The following REV3L variants were observed in gnomAD, a reference collection of about 807,000 sequenced individuals.
REV3L encodes the protein REV3 like, DNA directed polymerase zeta catalytic subunit, also known as DNA polymerase zeta catalytic subunit.
Under a neutral mutation model 299.4 loss-of-function variants are expected in REV3L, and 69 were observed. The observed-to-expected ratio is 0.23, with a 90% CI of 0.19 to 0.28. The LOEUF (loss-of-function observed/expected upper bound fraction) is 0.28. Among genes scored for constraint, REV3L ranks in the 10% least tolerant of loss-of-function variants. The probability of loss-of-function intolerance (pLI) is 1.00; values close to 1 mark genes in which losing one functional copy is unlikely to be tolerated. For synonymous variants in REV3L, 1,238 were observed against 1,271.4 expected (o/e 0.97, Z 0.56); for missense variants, 3,128 against 3,693.8 (o/e 0.85, Z 3.97).
At chr6:111,315,151 A>T in intron 27 of REV3L, 116 bp downstream of exon 27, 1 of 844,604 alleles carries the variant, frequency 1.2e-6, no homozygotes, top group Non-Finnish European at 1.8e-6. Flanking sequence ...ACCCAAATTT[A>T]ACACTTTAAT....
At chr6:111,313,738 C>T (rs539546689) in intron 27 of REV3L, among the ~76,000 whole-genome samples, 235 of 152,270 alleles carry the variant, frequency 1.5e-3, no homozygotes, top group African/African-American at 5.2e-3. Context: ...AGTATAAACA[C>T]TTTAGCTTGG....
At chr6:111,455,295 A>C (rs1358288105) in intron 1 of REV3L, among the ~76,000 whole-genome samples, 1 of 152,138 alleles carries the variant, frequency 6.6e-6, no homozygotes, top group Non-Finnish European at 1.5e-5. Context: ...ATAAGGGATG[A>C]CACCACACCA....
chr6:111,436,450 T>TA (rs1037875575), intron 1 of REV3L, among the ~76,000 whole-genome samples: 2 of 151,970 alleles, frequency 1.3e-5, no homozygotes, highest in African/African-American at 4.8e-5. Flanking sequence ...TTCAGCCATA[T>TA]AAAAAAAATG....
chr6:111,380,104 TTTA>T lies in REV3L; in HGVS notation c.1329_1331del (p.Asn443del), dbSNP rs752936493. The T allele has an allele frequency of 6.2e-7, 1 of 1,613,974 alleles. No homozygotes were observed. Among genetic ancestry groups the T allele is most frequent in the Non-Finnish European group, 8.5e-7 (1 of 1,179,878 alleles). On this transcript the variant is annotated inframe_deletion, in exon 11 of 32. Coordinates refer to ENST00000368802, the MANE Select transcript of REV3L (RefSeq NM_001372078.1). ...CTTCATCATCACTATTTTGTGGATA[TTTA>T]TTATTTCCAAAGGAGCGACATGGTG...
intron 1 of REV3L, among the ~76,000 whole-genome samples, chr6:111,455,470 C>T (rs1790060014): frequency 6.6e-6 from 1 of 151,976 alleles, no homozygotes; most frequent in South Asian, 2.1e-4. Context: ...GGCAGGTGCT[C>T]GATCATGAAA....
chr6:111,458,525 AG>A (rs1790405245), intron 1 of REV3L, among the ~76,000 whole-genome samples: 1 of 152,134 alleles, frequency 6.6e-6, no homozygotes, highest in South Asian at 2.1e-4. Context: ...ATTCTATACC[AG>A]AAAACTCCGA....
At chr6:111,366,138 GAA>G (rs1194596879) in intron 14 of REV3L, among the ~76,000 whole-genome samples, 1 of 152,160 alleles carries the variant, frequency 6.6e-6, no homozygotes, top group African/African-American at 2.4e-5. Context: ...TTGAAATAAG[GAA>G]AACTGAAAGA....
chr6:111,385,665 T>G (rs1781274499), intron 9 of REV3L, among the ~76,000 whole-genome samples: 1 of 152,068 alleles, frequency 6.6e-6, no homozygotes, highest in African/African-American at 2.4e-5. Flanking sequence ...CATTTTTTTT[T>G]GAAGATTTTT....
In REV3L at chr6:111,315,658, A is replaced by G. The variant is rs549644643; in HGVS notation, c.8352-277T>C. Reference sequence around the variant, plus strand: ...CAAGAAAGTCCTGGATCATCCCTGGACATTTAAGGCTTTGTATGGTACACA... The same window carrying G: ...CAAGAAAGTCCTGGATCATCCCTGGGCATTTAAGGCTTTGTATGGTACACA... On this transcript the variant is annotated intron_variant, in intron 26 of 31. Transcript: ENST00000368802. 4.9e-5 allele frequency: 19 copies of G among 389,574 alleles called. No individual in the cohort carries two copies. In the East Asian group the frequency reaches 8.5e-4, roughly 18 times the overall value. 24.1% of individuals were successfully genotyped at this position (389,574 alleles called of 1,614,324 possible). A position where few individuals can be genotyped will look rare whatever the true frequency, so the allele number is the denominator to read the frequency against.
intron 28 of REV3L, chr6:111,313,035 GAA>G (rs1773147362): frequency 4.9e-6 from 1 of 202,454 alleles, no homozygotes; most frequent in Non-Finnish European, 9.8e-6. Context: ...GTTTTTATTA[GAA>G]ATAAAATTCT....
At chr6:111,348,060 C>T (rs1219694678) in intron 20 of REV3L, among the ~76,000 whole-genome samples, 6 of 152,194 alleles carry the variant, frequency 3.9e-5, no homozygotes, top group Non-Finnish European at 5.9e-5. Context: ...CCTTGGCCTC[C>T]CCAAGTGCTG....
intron 20 of REV3L, among the ~76,000 whole-genome samples, chr6:111,346,172 A>G (rs1045469515): frequency 2.6e-5 from 4 of 152,156 alleles, no homozygotes; most frequent in Admixed American, 6.5e-5. Flanking sequence ...CCCCTCAACC[A>G]GTGCACCAAA....
intron 9 of REV3L, among the ~76,000 whole-genome samples, chr6:111,384,036 A>T (rs1467789434): frequency 1.3e-5 from 2 of 152,332 alleles, no homozygotes; most frequent in East Asian, 3.9e-4. Flanking sequence ...GTGCTGAGAC[A>T]TTGGATATCT....
chr6:111,443,323 T>C (rs1449523974), intron 1 of REV3L, among the ~76,000 whole-genome samples: 1 of 152,216 alleles, frequency 6.6e-6, no homozygotes, highest in South Asian at 2.1e-4. Context: ...AATTTTTGTA[T>C]TTTTAGTAGA....
Position 111,311,155 on chromosome 6 carries a change from G to A in REV3L, c.8709C>T (p.Ser2903=). 6.2e-7 allele frequency: 1 copy of A among 1,614,048 alleles called. No individual in the cohort carries two copies. Among genetic ancestry groups the A allele is most frequent in the Non-Finnish European group, 8.5e-7 (1 of 1,179,934 alleles). ...CCTTGGCAAAGATAAAGTCTTGTAT[G>A]CTGGCCTTTCCTTCCAGAAGCTTCA... is the stretch of plus-strand genomic sequence containing the variant. The part of the protein sequence containing the change: ...QCMKLLEGKA[S]IQDFIFAKEY... Residue 2903 remains serine (S), a synonymous_variant, in exon 29 of 32, where the codon AGC becomes AGT. Transcript: ENST00000368802.
At chr6:111,470,174 T>TCA (rs6149753) in intron 1 of REV3L, among the ~76,000 whole-genome samples, 2,198 of 150,304 alleles carry the variant, frequency 0.015, 29 homozygotes, top group Middle Eastern at 0.024. Flanking sequence ...TTACTATCTC[T>TCA]CACACACACA....
At chr6:111,322,719 CTCAGTA>C (rs767973776) in intron 25 of REV3L, 41 bp from the exon 26 acceptor site, 30 of 1,435,768 alleles carry the variant, frequency 2.1e-5, no homozygotes, top group South Asian at 1.4e-4. Context: ...CTTAACATAG[CTCAGTA>C]TAAGTTAACA....
At chr6:111,424,775 C>G (rs1785971806) in intron 1 of REV3L, among the ~76,000 whole-genome samples, 1 of 152,194 alleles carries the variant, frequency 6.6e-6, no homozygotes, top group Non-Finnish European at 1.5e-5. Context: ...AGGGCTCACA[C>G]TATGTGAAGA....
At chr6:111,431,113 T>TC (rs1786868741) in intron 1 of REV3L, 1 of 1,514,184 alleles carries the variant, frequency 6.6e-7, no homozygotes, top group Non-Finnish European at 9.2e-7. Context: ...TTTAATCTAT[T>TC]CAACCTATGG....
Sources: gnomAD v4.1 joint callset for allele counts (sites outside exome capture counted in the v4.1 genomes callset) on GRCh38, gnomAD v4.1.1 for gene constraint, MANE v1.5 for transcripts, NCBI Gene and HGNC (gene_info 2026-07-23, HGNC 2026-07-21) for gene names.